Variants in DLG2 observed in about 807,000 individuals in gnomAD.
The protein encoded by DLG2 is discs large MAGUK scaffold protein 2.
In DLG2, 45 loss-of-function variants were observed where a neutral mutation model predicts 132.5. The ratio of observed to expected loss-of-function variants is 0.34; its 90% CI spans 0.27 to 0.44. DLG2 has a LOEUF of 0.44. Among genes scored for constraint, DLG2 ranks in the 20% least tolerant of loss-of-function variants. The pLI is 1.00. For synonymous variants in DLG2, 424 were observed against 419.6 expected (o/e 1.01, Z -0.13); for missense variants, 1,045 against 1,196.9 (o/e 0.87, Z 1.87).
intron 6 of DLG2, chr11:84,720,513 G>T: frequency 3.1e-6 from 3 of 983,428 alleles, no homozygotes; most frequent in Middle Eastern, 5.3e-4. Flanking sequence ...CCCTGCACCC[G>T]CCGTGGCCAT....
chr11:84,770,171 G>T (rs1035995915), intron 6 of DLG2, among the ~76,000 whole-genome samples: 2 of 152,032 alleles, frequency 1.3e-5, no homozygotes, highest in African/African-American at 2.4e-5. Flanking sequence ...TCCTACTCTG[G>T]CTGTGTGACA....
chr11:84,222,587 A>G (rs1015146843), intron 8 of DLG2, among the ~76,000 whole-genome samples: 1 of 152,186 alleles, frequency 6.6e-6, no homozygotes, highest in African/African-American at 2.4e-5. Flanking sequence ...TATTTTGCAC[A>G]TGTATCACCT....
intron 6 of DLG2, among the ~76,000 whole-genome samples, chr11:85,063,473 G>C (rs2064409579): frequency 6.6e-6 from 1 of 151,754 alleles, no homozygotes; most frequent in African/African-American, 2.4e-5. Flanking sequence ...ACTTTATGGG[G>C]CTCCTAGAAA....
chr11:84,668,858 T>C (rs1483778029), intron 6 of DLG2, among the ~76,000 whole-genome samples: 1 of 152,158 alleles, frequency 6.6e-6, no homozygotes, highest in Non-Finnish European at 1.5e-5. Flanking sequence ...CACAAAACAC[T>C]GTGCAAAAAC....
In DLG2 at chr11:84,524,906, G is replaced by T. The variant is rs573945185; in HGVS notation, c.519+9664C>A. ...CGTATTTTAAAACATCTGCTATTTG[G>T]TCAACACCATCTTAGGCATTGTAGA... On this transcript the variant is annotated intron_variant, in intron 7 of 27. Transcript: ENST00000376104. 2.0e-5 allele frequency among the ~76,000 whole-genome samples: 3 copies of T among 148,424 alleles called. No homozygotes were observed. The South Asian group carries it at 6.4e-4, about 31-fold the overall frequency.
At chr11:84,352,097 G>A (rs1448061429) in intron 7 of DLG2, among the ~76,000 whole-genome samples, 1 of 152,200 alleles carries the variant, frequency 6.6e-6, no homozygotes, top group African/African-American at 2.4e-5. Context: ...ATGAGGCAAT[G>A]CAGTCTAAGG....
chr11:84,003,378 C>T (rs2094441898), intron 11 of DLG2, among the ~76,000 whole-genome samples: 1 of 152,160 alleles, frequency 6.6e-6, no homozygotes, highest in Non-Finnish European at 1.5e-5. Flanking sequence ...CACCCCACTC[C>T]TGGTACCATT....
rs76962405 is a variant in DLG2 at position 84,328,571 on chromosome 11, C to T, written c.520-77280G>A. Among the ~76,000 whole-genome samples, 1,422 of 152,152 alleles carry T rather than the reference C, an allele frequency of 9.3e-3. 15 individuals are homozygous for T. Among genetic ancestry groups the T allele is most frequent in the African/African-American group, 0.031 (1,277 of 41,510 alleles). ...TCATAAAATGGAATCAGTTTTTCTT[C>T]AGTTTAAATTTTGCAAGTTCTTATT... On this transcript the variant is annotated intron_variant, in intron 7 of 27. Transcript: ENST00000376104.
intron 7 of DLG2, among the ~76,000 whole-genome samples, chr11:84,457,186 G>C (rs1361948979): frequency 6.6e-6 from 1 of 150,990 alleles, no homozygotes; most frequent in East Asian, 1.9e-4. Flanking sequence ...ATAATTCAAA[G>C]ACAATATATC....
At chr11:84,042,876 C>A (rs929511098) in intron 11 of DLG2, among the ~76,000 whole-genome samples, 1 of 151,632 alleles carries the variant, frequency 6.6e-6, no homozygotes, top group Non-Finnish European at 1.5e-5. Flanking sequence ...ATACTGGGGC[C>A]TGTAGGGGGT....
chr11:85,365,166 C>T (rs986694997), intron 3 of DLG2, among the ~76,000 whole-genome samples: 1 of 152,166 alleles, frequency 6.6e-6, no homozygotes, highest in African/African-American at 2.4e-5. Flanking sequence ...CCTAGGACGG[C>T]ATCCCACCTT....
At chr11:84,773,948 CAAGAGA>C (rs2069897022) in intron 6 of DLG2, among the ~76,000 whole-genome samples, 1 of 152,022 alleles carries the variant, frequency 6.6e-6, no homozygotes, top group African/African-American at 2.4e-5. Flanking sequence ...AGTAATCAGA[CAAGAGA>C]AAGAAATAAA....
At chr11:83,905,892 T>C (rs1017686608) in intron 15 of DLG2, among the ~76,000 whole-genome samples, 15 of 152,082 alleles carry the variant, frequency 9.9e-5, no homozygotes, top group Non-Finnish European at 2.9e-5. Flanking sequence ...AAATTTCCCC[T>C]TTAAAGAAGC....
intron 8 of DLG2, among the ~76,000 whole-genome samples, chr11:84,172,790 C>T (rs534083950): frequency 2.0e-5 from 3 of 152,196 alleles, no homozygotes; most frequent in South Asian, 4.1e-4. Flanking sequence ...GATCCAACCG[C>T]CTTGGCCTCC....
At chr11:84,247,256 C>T (rs1515086) in intron 8 of DLG2, among the ~76,000 whole-genome samples, 8,497 of 152,128 alleles carry the variant, frequency 0.056, 309 homozygotes, top group Non-Finnish European at 0.076. Context: ...GAGAGGAGAG[C>T]GCAATGTCAG....
chr11:83,523,228 G>A (rs537649764), intron 21 of DLG2, among the ~76,000 whole-genome samples: 2 of 152,236 alleles, frequency 1.3e-5, no homozygotes, highest in African/African-American at 4.8e-5. Flanking sequence ...AGTAGAAATG[G>A]GTTGAGCTAA....
chr11:84,410,116 C>T (rs1567559334), intron 7 of DLG2, among the ~76,000 whole-genome samples: 1 of 152,190 alleles, frequency 6.6e-6, no homozygotes, highest in Non-Finnish European at 1.5e-5. Flanking sequence ...TGAGCATTCT[C>T]ATATGTTGCT....
chr11:83,741,228 A>G (rs1244938843), intron 18 of DLG2, among the ~76,000 whole-genome samples: 1 of 152,158 alleles, frequency 6.6e-6, no homozygotes, highest in Non-Finnish European at 1.5e-5. Flanking sequence ...GGACCATTCC[A>G]CTTTAGAACT....
intron 7 of DLG2, among the ~76,000 whole-genome samples, chr11:84,425,233 T>C (rs2098962634): frequency 1.3e-5 from 2 of 152,246 alleles, no homozygotes; most frequent in South Asian, 4.1e-4. Context: ...TTTATTTTCC[T>C]GGGGTCAGTC....
Sources: allele counts gnomAD v4.1 joint callset (sites outside exome capture counted in the v4.1 genomes callset), GRCh38; gene constraint gnomAD v4.1.1; transcripts MANE v1.5; gene names NCBI Gene and HGNC (gene_info 2026-07-23, HGNC 2026-07-21).